The following NELL1 variants were observed in gnomAD, a reference collection of about 807,000 sequenced individuals.
The protein encoded by NELL1 is neural EGFL like 1, also known as protein kinase C-binding protein NELL1.
Under a neutral mutation model 107.4 loss-of-function variants are expected in NELL1, and 76 were observed. That is an observed-to-expected ratio of 0.71 (90% CI 0.59 to 0.86). The LOEUF is 0.86. Among genes scored for constraint, NELL1 ranks in the 40% least tolerant of loss-of-function variants. The pLI is 0.00. For missense variants in NELL1, 1,024 were observed against 1,005.5 expected (o/e 1.02, Z -0.25); for synonymous variants, 353 against 341.2 (o/e 1.03, Z -0.38).
intron 15 of NELL1, among the ~76,000 whole-genome samples, chr11:21,442,068 AT>A (rs1193082328): frequency 1.3e-5 from 2 of 152,230 alleles, no homozygotes; most frequent in Non-Finnish European, 2.9e-5. Flanking sequence ...TCATCAAAAA[AT>A]ATTAACTTTT....
intron 12 of NELL1, among the ~76,000 whole-genome samples, chr11:21,056,926 C>T (rs1360491390): frequency 6.6e-6 from 1 of 151,898 alleles, no homozygotes; most frequent in Non-Finnish European, 1.5e-5. Context: ...CTTCTAGCTA[C>T]AGCCTGTATT....
chr11:21,125,428 A>G (rs1311244509), intron 13 of NELL1, among the ~76,000 whole-genome samples: 1 of 152,146 alleles, frequency 6.6e-6, no homozygotes, highest in East Asian at 1.9e-4. Context: ...CTTTCTTTTG[A>G]AAGAGTTCAG....
intron 11 of NELL1, among the ~76,000 whole-genome samples, chr11:20,954,233 T>G (rs1391996054): frequency 6.6e-6 from 1 of 152,248 alleles, no homozygotes; most frequent in African/African-American, 2.4e-5. Context: ...GCCTAGCACA[T>G]AGTATGTGTT....
intron 16 of NELL1, among the ~76,000 whole-genome samples, chr11:21,547,749 C>G (rs138131349): frequency 6.4e-4 from 98 of 152,000 alleles, no homozygotes; most frequent in African/African-American, 2.2e-3. Context: ...CATTATCAAG[C>G]AACTACTATG....
At chr11:20,796,766 C>T (rs113818471) in intron 3 of NELL1, among the ~76,000 whole-genome samples, 2 of 152,070 alleles carry the variant, frequency 1.3e-5, no homozygotes, top group East Asian at 3.9e-4. Context: ...AGAGTGGAGA[C>T]AGTCAAAGAA....
intron 13 of NELL1, among the ~76,000 whole-genome samples, chr11:21,119,053 T>C (rs1025865824): frequency 6.6e-6 from 1 of 151,956 alleles, no homozygotes; most frequent in East Asian, 1.9e-4. Context: ...TGCCAAGGGG[T>C]TCATGGTTTG....
At chr11:20,931,695 A>G (rs1850622263) in intron 9 of NELL1, among the ~76,000 whole-genome samples, 1 of 152,180 alleles carries the variant, frequency 6.6e-6, no homozygotes, top group Admixed American at 6.5e-5. Context: ...GGATCATTTA[A>G]TCCATTCACA....
At chr11:20,727,645 G>T (rs980076550) in intron 2 of NELL1, among the ~76,000 whole-genome samples, 1 of 152,100 alleles carries the variant, frequency 6.6e-6, no homozygotes, top group African/African-American at 2.4e-5. Context: ...CATTGCTTTT[G>T]GTATTTTAGT....
intron 15 of NELL1, among the ~76,000 whole-genome samples, chr11:21,485,981 C>A (rs1854620808): frequency 1.3e-5 from 2 of 152,106 alleles, no homozygotes; most frequent in Admixed American, 1.3e-4. Flanking sequence ...CACAGGGATG[C>A]CCTGACCAGC....
intron 15 of NELL1, among the ~76,000 whole-genome samples, chr11:21,513,309 T>A (rs1449313939): frequency 6.6e-6 from 1 of 152,114 alleles, no homozygotes; most frequent in African/African-American, 2.4e-5. Flanking sequence ...CTCTTATAAG[T>A]GTGTTTATTT....
intron 15 of NELL1, among the ~76,000 whole-genome samples, chr11:21,449,724 AGCT>A (rs1853531442): frequency 6.6e-6 from 1 of 152,298 alleles, no homozygotes; most frequent in Admixed American, 6.5e-5. Context: ...TCATTTTTGC[AGCT>A]GGGGAAAGAT....
intron 15 of NELL1, among the ~76,000 whole-genome samples, chr11:21,522,871 C>T (rs1489154288): frequency 8.4e-5 from 9 of 107,738 alleles, no homozygotes; most frequent in Middle Eastern, 0.011. Context: ...GACGGAGTCT[C>T]GCTCTGTCAC....
At chr11:21,223,778 T>C (rs1857821776) in intron 13 of NELL1, among the ~76,000 whole-genome samples, 1 of 152,108 alleles carries the variant, frequency 6.6e-6, no homozygotes, top group Admixed American at 6.5e-5. Flanking sequence ...TGAAAGTATA[T>C]GACTCAAAAA....
intron 12 of NELL1, among the ~76,000 whole-genome samples, chr11:21,032,185 T>C (rs1242908923): frequency 6.6e-6 from 1 of 152,034 alleles, no homozygotes; most frequent in Non-Finnish European, 1.5e-5. Context: ...GGCATTGTAC[T>C]TCGGCTCCAG....
intron 15 of NELL1, among the ~76,000 whole-genome samples, chr11:21,464,171 A>G (rs1028908626): frequency 3.9e-5 from 6 of 152,056 alleles, no homozygotes; most frequent in Admixed American, 3.3e-4. Flanking sequence ...TAAACGGTCA[A>G]TGTGGTCACA....
chr11:20,897,924 G>T (rs2134126917), intron 5 of NELL1, among the ~76,000 whole-genome samples: 1 of 152,254 alleles, frequency 6.6e-6, no homozygotes, highest in East Asian at 1.9e-4. Flanking sequence ...AACAACACAG[G>T]TGCTGGAGAG....
At chr11:21,146,771 G>A (rs963714395) in intron 13 of NELL1, among the ~76,000 whole-genome samples, 9 of 151,786 alleles carry the variant, frequency 5.9e-5, no homozygotes, top group East Asian at 1.9e-4. Flanking sequence ...GGCCGGGTGC[G>A]GTGACTCATG....
At chr11:20,798,894 G>C (rs560787499) in intron 3 of NELL1, among the ~76,000 whole-genome samples, 8 of 152,344 alleles carry the variant, frequency 5.3e-5, no homozygotes, top group African/African-American at 1.9e-4. Context: ...TAGGAACATT[G>C]GTGGATTCTT....
chr11:21,224,375 G>A (rs1269606583), intron 13 of NELL1, among the ~76,000 whole-genome samples: 1 of 149,764 alleles, frequency 6.7e-6, no homozygotes, highest in African/African-American at 2.5e-5. Flanking sequence ...GACCACAGTT[G>A]TATGCCACCA....
Sources: allele counts gnomAD v4.1 joint callset (sites outside exome capture counted in the v4.1 genomes callset), GRCh38; gene constraint gnomAD v4.1.1; transcripts MANE v1.5; gene names NCBI Gene and HGNC (gene_info 2026-07-23, HGNC 2026-07-21).